PTGER3: variants seen among roughly 807,000 people sequenced by gnomAD.
The protein encoded by PTGER3 is prostaglandin E2 receptor EP3 subtype.
In PTGER3, 22 loss-of-function variants were observed where a neutral mutation model predicts 34.7. The ratio of observed to expected loss-of-function variants is 0.63; its 90% CI spans 0.45 to 0.91. The LOEUF is 0.91. Ranked by LOEUF, PTGER3 falls within the 40% of genes least tolerant of loss-of-function variation. PTGER3 has a pLI of 0.00. For synonymous variants in PTGER3, 241 were observed against 230.1 expected (o/e 1.05, Z -0.43); for missense variants, 468 against 519.4 (o/e 0.90, Z 0.96).
intron 4 of PTGER3, among the ~76,000 whole-genome samples, chr1:70,938,863 C>A (rs568991121): frequency 1.3e-5 from 2 of 152,254 alleles, no homozygotes; most frequent in South Asian, 4.1e-4. Flanking sequence ...AGGGACATGG[C>A]CAAACCATAT....
At chr1:71,032,112 A>C (rs947621486) in intron 1 of PTGER3, among the ~76,000 whole-genome samples, 1 of 152,228 alleles carries the variant, frequency 6.6e-6, no homozygotes, top group Non-Finnish European at 1.5e-5. Flanking sequence ...AGAATAACAT[A>C]AAACCCAGAC....
chr1:71,040,125 G>A (rs1660182937), intron 1 of PTGER3, among the ~76,000 whole-genome samples: 1 of 147,616 alleles, frequency 6.8e-6, no homozygotes, highest in East Asian at 2.0e-4. Flanking sequence ...AGAAAAAAAA[G>A]AAAGAGAAAG....
In PTGER3 at chr1:70,995,846, T is replaced by C. The variant is rs190793080; in HGVS notation, c.1077+16459A>G. On this transcript the variant is annotated intron_variant, in intron 2 of 3. Coordinates refer to ENST00000306666, the MANE Select transcript of PTGER3 (RefSeq NM_198719.2). ...CTAAATATAGTTCTGGAAAGGAAAT[T>C]AGTGTTATTTGATGTTAATATTGTC... Among the ~76,000 whole-genome samples, 8 of 152,322 alleles carry C rather than the reference T, an allele frequency of 5.3e-5. No individual in the cohort carries two copies. The East Asian group carries it at 1.5e-3, about 29-fold the overall frequency.
chr1:71,015,959 G>T (rs1363438881), intron 1 of PTGER3, among the ~76,000 whole-genome samples: 1 of 152,154 alleles, frequency 6.6e-6, no homozygotes, highest in Non-Finnish European at 1.5e-5. Flanking sequence ...TTGAGACAGT[G>T]TCTCACTCCG....
intron 4 of PTGER3, among the ~76,000 whole-genome samples, chr1:70,905,143 A>T (rs1646917954): frequency 6.6e-6 from 1 of 152,152 alleles, no homozygotes; most frequent in Admixed American, 6.5e-5. Flanking sequence ...GAGTGCACAG[A>T]GGTCAAGAAT....
At position 71,047,074 on chromosome 1, in the gene PTGER3, G is replaced by A; in HGVS notation, c.504C>T (p.His168=). ...CAGCGCGGGTGGCACGCGTCTTCAT[G>A]TGGCTCGCATACCAGTGCGGCGCCC... ...AIRAPHWYAS[H]MKTRATRAVL... The change falls in exon 1 of 4, where the codon CAC becomes CAT. Residue 168 remains histidine (H), a synonymous_variant. Transcript: ENST00000306666. The A allele has an allele frequency of 6.2e-7, 1 of 1,611,372 alleles. No homozygotes were observed. Among genetic ancestry groups the A allele is most frequent in the Non-Finnish European group, 8.5e-7 (1 of 1,179,278 alleles).
intron 1 of PTGER3, among the ~76,000 whole-genome samples, chr1:71,041,867 T>A (rs1660344572): frequency 6.6e-6 from 1 of 152,206 alleles, no homozygotes; most frequent in South Asian, 2.1e-4. Flanking sequence ...TGTCCTGCAA[T>A]GCAAGGGCAG....
downstream of PTGER3, among the ~76,000 whole-genome samples, chr1:70,969,574 A>G (rs1216498549): frequency 6.6e-6 from 1 of 152,206 alleles, no homozygotes; most frequent in Admixed American, 6.5e-5. Flanking sequence ...AATGAGTACT[A>G]TGTAACTTCA....
chr1:71,039,370 C>T (rs1308308848), intron 1 of PTGER3, among the ~76,000 whole-genome samples: 1 of 151,714 alleles, frequency 6.6e-6, no homozygotes, highest in Non-Finnish European at 1.5e-5. Flanking sequence ...AATTACAATA[C>T]CTTATAAAAA....
At position 71,000,998 on chromosome 1, in the gene PTGER3, A is replaced by G. The variant is rs978945552; in HGVS notation, c.1077+11307T>C. Among the ~76,000 whole-genome samples, 30 of 152,282 alleles carry G rather than the reference A, an allele frequency of 2.0e-4. No homozygotes were observed. In the East Asian group the frequency reaches 5.6e-3, roughly 28 times the overall value. ...AAAGTTGATTGAGTGTGAGATAACA[A>G]TATATTATTTAAAATTATGGTGTCA... On this transcript the variant is annotated intron_variant, in intron 2 of 3. Coordinates refer to ENST00000306666, the MANE Select transcript of PTGER3 (RefSeq NM_198719.2).
intron 4 of PTGER3, among the ~76,000 whole-genome samples, chr1:70,903,507 TG>T (rs2100348667): frequency 6.6e-6 from 1 of 152,336 alleles, no homozygotes; most frequent in Non-Finnish European, 1.5e-5. Context: ...TTCCATTTAT[TG>T]TTGAGGAAAC....
intron 4 of PTGER3, chr1:70,865,584 C>G: frequency 8.1e-7 from 1 of 1,230,664 alleles, no homozygotes; most frequent in South Asian, 1.3e-5. Context: ...GGTGGGACAA[C>G]AGAGATGAAA....
At chr1:71,010,925 T>A in intron 2 of PTGER3, 1 of 985,104 alleles carries the variant, frequency 1.0e-6, no homozygotes, top group South Asian at 4.7e-5. Flanking sequence ...ACAAGAAGTA[T>A]AAATAAATCT....
chr1:70,924,866 T>C (rs917116896), intron 4 of PTGER3, among the ~76,000 whole-genome samples: 1 of 152,142 alleles, frequency 6.6e-6, no homozygotes, highest in Non-Finnish European at 1.5e-5. Flanking sequence ...GAACCCTCTC[T>C]TGGGGTCTGA....
chr1:70,983,632 AG>A (rs1419804396), intron 2 of PTGER3, among the ~76,000 whole-genome samples: 1 of 152,182 alleles, frequency 6.6e-6, no homozygotes, highest in Non-Finnish European at 1.5e-5. Context: ...TATATGTCAA[AG>A]GGAGATATTT....
At chr1:70,887,322 A>C (rs1229125074) in intron 4 of PTGER3, among the ~76,000 whole-genome samples, 1 of 152,162 alleles carries the variant, frequency 6.6e-6, no homozygotes, top group Non-Finnish European at 1.5e-5. Flanking sequence ...ATAGTCTGTT[A>C]AAGGCTTTAG....
intron 2 of PTGER3, among the ~76,000 whole-genome samples, chr1:70,963,138 A>C (rs905535710): frequency 1.3e-5 from 2 of 152,210 alleles, no homozygotes; most frequent in Non-Finnish European, 2.9e-5. Context: ...TCTCACATCC[A>C]GGTCACGCCA....
At chr1:71,000,042 C>T (rs751707160) in intron 2 of PTGER3, among the ~76,000 whole-genome samples, 5 of 152,160 alleles carry the variant, frequency 3.3e-5, no homozygotes, top group Non-Finnish European at 7.4e-5. Context: ...GCTGCCTCAC[C>T]ACTGCTCCCC....
At chr1:70,972,084 T>C (rs568119794) in intron 3 of PTGER3, among the ~76,000 whole-genome samples, 1 of 152,242 alleles carries the variant, frequency 6.6e-6, no homozygotes, top group East Asian at 1.9e-4. Context: ...TCCCAGCATT[T>C]TGGGAGGCCG....
Sources: gnomAD v4.1 joint callset for allele counts (sites outside exome capture counted in the v4.1 genomes callset) on GRCh38, gnomAD v4.1.1 for gene constraint, MANE v1.5 for transcripts, NCBI Gene and HGNC (gene_info 2026-07-23, HGNC 2026-07-21) for gene names.